Variants in LRP1B observed in about 807,000 individuals in gnomAD.
The protein encoded by LRP1B is low-density lipoprotein receptor-related protein 1B.
Under a neutral mutation model 556.6 loss-of-function variants are expected in LRP1B, and 217 were observed. That is an observed-to-expected ratio of 0.39 (90% CI 0.35 to 0.44). LRP1B has a LOEUF of 0.44. LRP1B is among the 20% of genes least tolerant of loss of function. The pLI is 1.00. For missense variants in LRP1B, 5,053 were observed against 5,620.8 expected (o/e 0.90, Z 3.23); for synonymous variants, 2,047 against 1,865.8 (o/e 1.10, Z -2.50).
chr2:141,385,590 A>G (rs970122196), intron 3 of LRP1B, among the ~76,000 whole-genome samples: 3 of 116,912 alleles, frequency 2.6e-5, no homozygotes, highest in East Asian at 5.1e-4. Context: ...TTATAAAACC[A>G]AAAGGTGACT....
At chr2:141,968,298 T>G (rs1701621264) in intron 1 of LRP1B, among the ~76,000 whole-genome samples, 1 of 151,862 alleles carries the variant, frequency 6.6e-6, no homozygotes, top group African/African-American at 2.4e-5. Flanking sequence ...TTTTCATGAT[T>G]AATCAGTGGT....
At chr2:142,025,593 G>T (rs181073448) in intron 1 of LRP1B, among the ~76,000 whole-genome samples, 173 of 152,186 alleles carry the variant, frequency 1.1e-3, no homozygotes, top group African/African-American at 3.9e-3. Context: ...AATTAACTCT[G>T]CCCAGAGGAT....
At chr2:142,012,501 A>T (rs1702989050) in intron 1 of LRP1B, among the ~76,000 whole-genome samples, 1 of 152,124 alleles carries the variant, frequency 6.6e-6, no homozygotes, top group African/African-American at 2.4e-5. Flanking sequence ...AATGACAATC[A>T]CAATATTTAG....
intron 2 of LRP1B, among the ~76,000 whole-genome samples, chr2:141,715,495 G>A (rs1321767061): frequency 6.6e-6 from 1 of 151,864 alleles, no homozygotes. Context: ...AATAAAGTTA[G>A]CAATTTCTGT....
chr2:141,274,101 A>G (rs1436370059), intron 3 of LRP1B, among the ~76,000 whole-genome samples: 2 of 152,226 alleles, frequency 1.3e-5, no homozygotes, highest in Non-Finnish European at 2.9e-5. Flanking sequence ...GAATCCTCCT[A>G]CACTCTTGAT....
chr2:140,896,501 A>G (rs1693958739), intron 23 of LRP1B, among the ~76,000 whole-genome samples: 1 of 152,190 alleles, frequency 6.6e-6, no homozygotes, highest in Non-Finnish European at 1.5e-5. Flanking sequence ...ATTTGAAAAA[A>G]CAAAAATAGT....
At chr2:140,920,015 C>T (rs762382441) in intron 21 of LRP1B, among the ~76,000 whole-genome samples, 17 of 152,008 alleles carry the variant, frequency 1.1e-4, no homozygotes, top group Middle Eastern at 3.4e-3. Context: ...TTTCTTTACA[C>T]GAATTTCTAC....
intron 25 of LRP1B, among the ~76,000 whole-genome samples, chr2:140,876,057 GT>G (rs1339750445): frequency 1.3e-5 from 2 of 151,862 alleles, no homozygotes; most frequent in African/African-American, 4.8e-5. Context: ...CTTGAATCCA[GT>G]TTTCTGATAA....
chr2:141,354,629 GAA>G (rs1041260709), intron 3 of LRP1B, among the ~76,000 whole-genome samples: 1 of 151,926 alleles, frequency 6.6e-6, no homozygotes, highest in Non-Finnish European at 1.5e-5. Context: ...GACCGAGGAG[GAA>G]AAAAGTCTGT....
intron 66 of LRP1B, among the ~76,000 whole-genome samples, chr2:140,436,143 T>C (rs1404688301): frequency 3.9e-5 from 6 of 152,182 alleles, no homozygotes; most frequent in Non-Finnish European, 7.4e-5. Flanking sequence ...TAAAATGTAG[T>C]GATCTAATAA....
chr2:141,411,976 C>A (rs146408334), intron 3 of LRP1B, among the ~76,000 whole-genome samples: 1 of 152,020 alleles, frequency 6.6e-6, no homozygotes, highest in East Asian at 1.9e-4. Flanking sequence ...CTGTAAAATA[C>A]TGCACCTCAT....
chr2:141,530,462 C>A (rs891337692), intron 2 of LRP1B, among the ~76,000 whole-genome samples: 10 of 152,024 alleles, frequency 6.6e-5, no homozygotes, highest in African/African-American at 2.4e-4. Context: ...TGTATTCATT[C>A]TTCATTTATT....
At chr2:141,527,363 AC>A (rs1266891731) in intron 2 of LRP1B, among the ~76,000 whole-genome samples, 22 of 152,050 alleles carry the variant, frequency 1.4e-4, no homozygotes. Context: ...TATAAAAAAA[AC>A]ATTGTTTCTG....
intron 41 of LRP1B, among the ~76,000 whole-genome samples, chr2:140,655,435 A>C (rs1366141571): frequency 6.6e-6 from 1 of 152,160 alleles, no homozygotes; most frequent in Non-Finnish European, 1.5e-5. Flanking sequence ...CAATAACTGG[A>C]ATCTCACTTG....
intron 1 of LRP1B, among the ~76,000 whole-genome samples, chr2:142,109,800 ATGTTGT>A (rs1414518092): frequency 6.6e-6 from 1 of 152,170 alleles, no homozygotes; most frequent in African/African-American, 2.4e-5. Flanking sequence ...GTAATAAAAC[ATGTTGT>A]TTTAAATTTC....
chr2:140,965,703 CA>C (rs745448177), intron 18 of LRP1B, among the ~76,000 whole-genome samples: 22 of 152,246 alleles, frequency 1.4e-4, no homozygotes, highest in Non-Finnish European at 2.9e-4. Context: ...TTTCCCTCCC[CA>C]CTCCCCTCTA....
rs899609529 is a variant in LRP1B at position 141,524,857 on chromosome 2, TGAAA to T, written c.206-44328_206-44325del. Among the ~76,000 whole-genome samples the T allele has an allele frequency of 2.4e-3, 368 of 151,988 alleles. 2 individuals are homozygous for T. Among genetic ancestry groups the T allele is most frequent in the African/African-American group, 8.6e-3 (355 of 41,482 alleles). On this transcript the variant is annotated intron_variant, in intron 2 of 90. Coordinates refer to ENST00000389484, the MANE Select transcript of LRP1B (RefSeq NM_018557.3). Reference sequence around the variant, plus strand: ...TGGCTATGCAAAAAAAAAAATTATTTGAAAGAATTTTTAAAAGAAAAAACAGTGC... The same window carrying T: ...TGGCTATGCAAAAAAAAAAATTATTTGAATTTTTAAAAGAAAAAACAGTGC...
intron 66 of LRP1B, among the ~76,000 whole-genome samples, chr2:140,408,857 G>A (rs1160504081): frequency 6.6e-6 from 1 of 151,886 alleles, no homozygotes; most frequent in East Asian, 1.9e-4. Context: ...GAATGTTTAA[G>A]GAACAGTGTT....
intron 1 of LRP1B, among the ~76,000 whole-genome samples, chr2:141,834,848 G>C (rs368734450): frequency 2.0e-5 from 3 of 151,960 alleles, no homozygotes; most frequent in Non-Finnish European, 2.9e-5. Flanking sequence ...TAGAATGATA[G>C]TTCCATAATC....
Sources: allele counts gnomAD v4.1 joint callset (sites outside exome capture counted in the v4.1 genomes callset), GRCh38; gene constraint gnomAD v4.1.1; transcripts MANE v1.5; gene names NCBI Gene and HGNC (gene_info 2026-07-23, HGNC 2026-07-21).